The following SHTN1 variants were observed in gnomAD, a reference collection of about 807,000 sequenced individuals.
SHTN1 encodes the protein shootin-1.
A neutral mutation model predicts 83.1 loss-of-function variants in SHTN1; 42 were observed. The ratio of observed to expected loss-of-function variants is 0.51; its 90% confidence interval spans 0.39 to 0.65. The LOEUF is 0.65. SHTN1 is among the 30% of genes least tolerant of loss of function. The pLI, the probability that SHTN1 is intolerant of heterozygous loss-of-function variation, is 0.00. For synonymous variants in SHTN1, 224 were observed against 247.7 expected, an observed-to-expected ratio of 0.90 and a Z score of 0.90; for missense variants, 622 against 737.8, an observed-to-expected ratio of 0.84 and a Z score of 1.82.
At chr10:117,097,417 C>T (rs531193851) in intron 1 of SHTN1, among the ~76,000 whole-genome samples, 4 of 152,332 alleles carry the variant, frequency 2.6e-5, no homozygotes, top group African/African-American at 9.6e-5. Context: ...ATTCACTGTT[C>T]TACATGGCAA....
chr10:117,054,986 GAA>G (rs143044869), intron 1 of SHTN1, among the ~76,000 whole-genome samples: 9 of 152,292 alleles, frequency 5.9e-5, no homozygotes, highest in Non-Finnish European at 8.8e-5. Flanking sequence ...AATTTATGAG[GAA>G]AAGAGACTTA....
chr10:116,950,367 C>T (rs1453642070), intron 6 of SHTN1, among the ~76,000 whole-genome samples: 1 of 151,828 alleles, frequency 6.6e-6, no homozygotes, highest in African/African-American at 2.4e-5. Flanking sequence ...CGAGGTCTTG[C>T]TAGGAGGTCT....
intron 2 of SHTN1, among the ~76,000 whole-genome samples, chr10:117,033,483 G>A (rs1221733958): frequency 1.3e-5 from 2 of 152,052 alleles, no homozygotes; most frequent in Admixed American, 1.3e-4. Context: ...GAATCATGAA[G>A]AAATCCAAAA....
intron 2 of SHTN1, among the ~76,000 whole-genome samples, chr10:117,033,465 C>A (rs921774966): frequency 2.6e-5 from 4 of 151,816 alleles, no homozygotes; most frequent in African/African-American, 9.7e-5. Context: ...ATACAATCTA[C>A]CAAGACTGAA....
chr10:116,999,034 G>T (rs1851733688), intron 1 of SHTN1, among the ~76,000 whole-genome samples: 1 of 152,198 alleles, frequency 6.6e-6, no homozygotes, highest in Non-Finnish European at 1.5e-5. Context: ...TCACTACATT[G>T]CCCAGGCTGG....
At chr10:116,923,824 T>C (rs976656791) in intron 11 of SHTN1, among the ~76,000 whole-genome samples, 3 of 152,216 alleles carry the variant, frequency 2.0e-5, no homozygotes, top group Non-Finnish European at 1.5e-5. Context: ...AGGCTGGGAT[T>C]ACAGGCGTGA....
At position 116,915,417 on chromosome 10, in the gene SHTN1, A is replaced by G. The variant is rs1564874352; in HGVS notation, c.1263T>C (p.Val421=). 1 of 1,611,190 alleles carries G rather than the reference A, an allele frequency of 6.2e-7. No homozygotes were observed. Among genetic ancestry groups the G allele is most frequent in the Admixed American group, 1.7e-5 (1 of 59,982 alleles). The change falls in exon 13 of 17, where the codon GTT becomes GTC. Residue 421 remains valine (V), a synonymous_variant. Coordinates refer to ENST00000355371, the MANE Select transcript of SHTN1 (RefSeq NM_001127211.3). ...EEMMDRIKKG[V]HLRPVNQTAR... is the part of the protein sequence containing the mutation. ...CTGTCTGATTAACGGGTCTAAGATGAACTCCCTTTTTAATTCTATCCATCA... is the reference window on the plus strand; with the variant it reads ...CTGTCTGATTAACGGGTCTAAGATGGACTCCCTTTTTAATTCTATCCATCA...
intron 1 of SHTN1, among the ~76,000 whole-genome samples, chr10:116,980,663 C>G (rs2083023): frequency 0.96 from 146,064 of 152,210 alleles, 70,384 homozygotes; most frequent in East Asian, 1. Context: ...ACCAGTGGTT[C>G]CAAGAACATC....
At chr10:116,904,332 T>C (rs915888744) in intron 15 of SHTN1, among the ~76,000 whole-genome samples, 4 of 152,194 alleles carry the variant, frequency 2.6e-5, no homozygotes, top group African/African-American at 9.6e-5. Flanking sequence ...AATATTCACA[T>C]GGTAAAAGCC....
chr10:116,934,105 C>A (rs1415381102), intron 9 of SHTN1, among the ~76,000 whole-genome samples: 1 of 152,120 alleles, frequency 6.6e-6, no homozygotes, highest in African/African-American at 2.4e-5. Flanking sequence ...TTCTCCCATT[C>A]TGTAGATTGC....
chr10:117,035,947 C>CAAAA lies in SHTN1; in HGVS notation c.-123+12494_-123+12497dup, dbSNP rs35033048. Among the ~76,000 whole-genome samples, 66 of 71,600 alleles carry CAAAA rather than the reference C, an allele frequency of 9.2e-4. 1 individual carries two copies. Among genetic ancestry groups the CAAAA allele is most frequent in the Middle Eastern group, 0.024 (2 of 84 alleles). 47.0% of individuals were successfully genotyped at this position (71,600 alleles called of 152,430 possible). A position where few individuals can be genotyped will look rare whatever the true frequency, so the allele number is the denominator to read the frequency against. ...GGGGAACAAGAGCGAAACTCCATCT[C>CAAAA]AAAAAAAAAAAAAAAAAAAAGGCAA... is the stretch of plus-strand genomic sequence containing the variant. On this transcript the variant is annotated intron_variant, in intron 2 of 17. Transcript: ENST00000392901.
At chr10:116,988,745 T>C (rs1476393800) in intron 1 of SHTN1, among the ~76,000 whole-genome samples, 1 of 151,996 alleles carries the variant, frequency 6.6e-6, no homozygotes, top group Admixed American at 6.6e-5. Flanking sequence ...TCTTGTTAGG[T>C]TGCCAAGGCT....
At position 116,952,026 on chromosome 10, in the gene SHTN1, A is replaced by C. The variant is rs769732957; in HGVS notation, c.437-20T>G. The C allele has an allele frequency of 1.9e-5, 24 of 1,250,212 alleles. No homozygotes were observed. The East Asian group carries it at 6.2e-4, about 32-fold the overall frequency. The allele number at this position is 1,250,212 out of a possible 1,614,324, so 77.4% of individuals were successfully genotyped here. A position where few individuals can be genotyped will look rare whatever the true frequency, so the allele number is the denominator to read the frequency against. ...GAAGTTCTGCATTTTTAAAGAAAAA[A>C]AATATATAAATAAACTTATTTTTAA... On this transcript the variant is annotated intron_variant, in intron 5 of 16. Transcript: ENST00000355371.
chr10:117,067,217 A>G (rs528208561), intron 1 of SHTN1, among the ~76,000 whole-genome samples: 4 of 152,372 alleles, frequency 2.6e-5, no homozygotes, highest in Admixed American at 6.5e-5. Context: ...CAAAGGCCTT[A>G]TAAGTTAAAA....
chr10:116,930,763 T>G (rs565870317), intron 9 of SHTN1, among the ~76,000 whole-genome samples: 67 of 152,276 alleles, frequency 4.4e-4, no homozygotes, highest in Non-Finnish European at 8.1e-4. Flanking sequence ...GACTGTTGGG[T>G]TGAATGGTAT....
chr10:116,965,877 T>C (rs1458509050), intron 3 of SHTN1, among the ~76,000 whole-genome samples: 4 of 152,230 alleles, frequency 2.6e-5, no homozygotes, highest in Admixed American at 6.5e-5. Context: ...TGCTCTTCAC[T>C]GGTGATAAAA....
chr10:117,088,403 AC>A (rs1027834745), intron 1 of SHTN1, among the ~76,000 whole-genome samples: 8 of 152,350 alleles, frequency 5.3e-5, no homozygotes, highest in African/African-American at 1.9e-4. Context: ...CGTAAAAGCT[AC>A]TTTTTGAATT....
upstream of SHTN1, chr10:117,005,252 C>G: frequency 5.5e-6 from 8 of 1,457,760 alleles, no homozygotes; most frequent in Non-Finnish European, 7.2e-6. Context: ...ATCATCCCCA[C>G]GCACCTACTC....
chr10:116,890,005 A>G (rs1054977278), intron 16 of SHTN1, among the ~76,000 whole-genome samples: 8 of 152,160 alleles, frequency 5.3e-5, no homozygotes, highest in Non-Finnish European at 1.0e-4. Flanking sequence ...AGAGCCACAG[A>G]GCCGCATCAG....
Sources: gnomAD v4.1 joint callset for allele counts (sites outside exome capture counted in the v4.1 genomes callset) on GRCh38, gnomAD v4.1.1 for gene constraint, MANE v1.5 for transcripts, NCBI Gene and HGNC (gene_info 2026-07-23, HGNC 2026-07-21) for gene names.